CTNNA3: variants seen among roughly 807,000 people sequenced by gnomAD.
CTNNA3 encodes catenin alpha 3, also known as catenin alpha-3.
CTNNA3 carries 76 observed loss-of-function variants against 95.7 expected under a neutral mutation model. That is an observed-to-expected ratio of 0.79 (90% CI 0.66 to 0.96). CTNNA3 has a LOEUF of 0.96. Ranked by LOEUF, CTNNA3 falls within the 40% of genes least tolerant of loss-of-function variation. The pLI is 0.00. For missense variants in CTNNA3, 1,191 were observed against 1,089.8 expected (o/e 1.09, Z -1.31); for synonymous variants, 431 against 374.4 (o/e 1.15, Z -1.74).
intron 15 of CTNNA3, among the ~76,000 whole-genome samples, chr10:66,029,276 C>T (rs1237568012): frequency 1.3e-5 from 2 of 152,026 alleles, no homozygotes; most frequent in African/African-American, 4.8e-5. Context: ...TTGCTCAACC[C>T]CCGAAATGCT....
Position 66,621,715 on chromosome 10 carries a change from G to C in CTNNA3, c.1351C>G (p.His451Asp). ...ACCTGTGGACACAAGGTTTCCAAAT[G>C]ATTGGCTGCAATTTTGACAATTTTA... ...GIKIVKIAAN[H>D]LETLCPQIIN... The change falls in exon 10 of 18, where the codon CAT becomes GAT. Residue 451 changes from histidine to aspartate, a missense_variant. Physicochemically the swap from His to Asp is moderately conservative, Grantham distance 81 (BLOSUM62 -1). Transcript: ENST00000433211. The C allele has an allele frequency of 6.2e-7, 1 of 1,609,884 alleles. No homozygotes were observed. Among genetic ancestry groups the C allele is most frequent in the South Asian group, 1.1e-5 (1 of 90,434 alleles).
intron 9 of CTNNA3, among the ~76,000 whole-genome samples, chr10:66,723,348 G>A (rs1209066018): frequency 6.6e-6 from 1 of 151,888 alleles, no homozygotes; most frequent in Admixed American, 6.6e-5. Flanking sequence ...CCTACCCAAG[G>A]GCCCATTTTT....
Position 66,846,574 on chromosome 10 carries a change from CAT to C in CTNNA3, c.1048-71052_1048-71051del, listed in dbSNP as rs562207825. Among the ~76,000 whole-genome samples, 465 of 150,354 alleles carry C rather than the reference CAT, an allele frequency of 3.1e-3. 4 individuals are homozygous for C. The highest frequency in any genetic ancestry group is 0.01 in the African/African-American group (419 of 40,876). On this transcript the variant is annotated intron_variant, in intron 7 of 17. Coordinates refer to ENST00000433211, the MANE Select transcript of CTNNA3 (RefSeq NM_013266.4). ...TATATCAAAACATCACATTATATAC[CAT>C]ATGTGTGTGTGTGTGTGTATATATA...
At chr10:66,734,271 A>C (rs1158750304) in intron 9 of CTNNA3, among the ~76,000 whole-genome samples, 1 of 151,940 alleles carries the variant, frequency 6.6e-6, no homozygotes, top group African/African-American at 2.4e-5. Flanking sequence ...ATATAATCTA[A>C]ACAACACCTT....
chr10:67,196,778 C>G (rs1055907909), intron 6 of CTNNA3, among the ~76,000 whole-genome samples: 2 of 151,978 alleles, frequency 1.3e-5, no homozygotes, highest in Non-Finnish European at 2.9e-5. Flanking sequence ...GTAACATAAG[C>G]ACCTCCAGGA....
chr10:67,741,560 T>C (rs904333195), intron 1 of CTNNA3, among the ~76,000 whole-genome samples: 2 of 150,996 alleles, frequency 1.3e-5, no homozygotes, highest in Admixed American at 6.6e-5. Context: ...ACATGCCAAA[T>C]TCTAAAGACC....
chr10:66,379,017 G>A (rs1318475286), intron 12 of CTNNA3, 135 bp downstream of exon 12: 64 of 683,760 alleles, frequency 9.4e-5, no homozygotes. Flanking sequence ...CATAACCAAA[G>A]TGTGCAAGCA....
At chr10:66,623,477 C>A (rs374752169) in intron 9 of CTNNA3, among the ~76,000 whole-genome samples, 1 of 152,012 alleles carries the variant, frequency 6.6e-6, no homozygotes, top group African/African-American at 2.4e-5. Flanking sequence ...TTATTAAAAG[C>A]CAATTAAGTG....
intron 7 of CTNNA3, among the ~76,000 whole-genome samples, chr10:66,798,205 T>C (rs1841287699): frequency 6.6e-6 from 1 of 151,828 alleles, no homozygotes; most frequent in African/African-American, 2.4e-5. Context: ...CACATATTAT[T>C]CAGTCTCCTC....
At chr10:66,955,455 AATT>A (rs774614059) in intron 7 of CTNNA3, among the ~76,000 whole-genome samples, 5 of 152,270 alleles carry the variant, frequency 3.3e-5, no homozygotes, top group Non-Finnish European at 5.9e-5. Context: ...AATTCAGTAA[AATT>A]AATCATCTTG....
chr10:66,978,552 A>AAATATAT, intron 7 of CTNNA3, among the ~76,000 whole-genome samples: 6 of 37,880 alleles, frequency 1.6e-4, no homozygotes, highest in African/African-American at 5.2e-4. Flanking sequence ...AAAAAAAAAA[A>AAATATAT]ATATATATAT....
intron 1 of CTNNA3, among the ~76,000 whole-genome samples, chr10:67,734,690 A>T (rs1003546950): frequency 6.6e-6 from 1 of 152,164 alleles, no homozygotes; most frequent in African/African-American, 2.4e-5. Flanking sequence ...ACATTTCTGG[A>T]GGGCAATTTG....
chr10:67,698,784 C>T (rs1365774700), upstream of CTNNA3, among the ~76,000 whole-genome samples: 3 of 151,740 alleles, frequency 2.0e-5, no homozygotes, highest in Non-Finnish European at 4.4e-5. Flanking sequence ...GGCACCTTGT[C>T]AGGTATTTTA....
chr10:66,954,176 A>T (rs1848677806), intron 7 of CTNNA3, among the ~76,000 whole-genome samples: 1 of 152,178 alleles, frequency 6.6e-6, no homozygotes, highest in Non-Finnish European at 1.5e-5. Flanking sequence ...TCTAGTATGA[A>T]ATTTGAAATA....
At chr10:66,144,493 A>T (rs188216117) in intron 13 of CTNNA3, among the ~76,000 whole-genome samples, 11,747 of 147,458 alleles carry the variant, frequency 0.08, 496 homozygotes, top group African/African-American at 0.084. Flanking sequence ...TTATTTATTT[A>T]TTTTTTTTTT....
chr10:66,032,297 G>GA (rs1402328183), intron 15 of CTNNA3, among the ~76,000 whole-genome samples: 1 of 151,956 alleles, frequency 6.6e-6, no homozygotes, highest in African/African-American at 2.4e-5. Flanking sequence ...TTTTGCATGT[G>GA]AAAAAACCCT....
chr10:66,749,202 C>CAAAAAAAAAAAAAA (rs35568730), intron 9 of CTNNA3, among the ~76,000 whole-genome samples: 8 of 50,890 alleles, frequency 1.6e-4, no homozygotes, highest in East Asian at 7.8e-4. Context: ...AACTCCAACT[C>CAAAAAAAAAAAAAA]AAAAAAAAAA....
At chr10:66,153,906 A>G (rs2084340496) in intron 13 of CTNNA3, among the ~76,000 whole-genome samples, 1 of 151,426 alleles carries the variant, frequency 6.6e-6, no homozygotes, top group African/African-American at 2.4e-5. Flanking sequence ...ATTATACATA[A>G]TAAGTTTTTT....
At chr10:66,935,864 T>G (rs1208718529) in intron 7 of CTNNA3, among the ~76,000 whole-genome samples, 1 of 150,928 alleles carries the variant, frequency 6.6e-6, no homozygotes, top group East Asian at 1.9e-4. Context: ...CTATACATTT[T>G]CACTTCTTTA....
Sources: gnomAD v4.1 joint callset for allele counts (sites outside exome capture counted in the v4.1 genomes callset) on GRCh38, gnomAD v4.1.1 for gene constraint, MANE v1.5 for transcripts, NCBI Gene and HGNC (gene_info 2026-07-23, HGNC 2026-07-21) for gene names.